ZNF662: variants seen among roughly 807,000 people sequenced by gnomAD.
ZNF662 encodes the protein zinc finger protein 662.
ZNF662 carries 14 observed loss-of-function variants against 12.4 expected under a neutral mutation model. The ratio of observed to expected loss-of-function variants is 1.13; its 90% confidence interval spans 0.75 to 1.77. ZNF662 has a LOEUF of 1.77. Among genes scored for constraint, ZNF662 ranks in the 40% most tolerant of loss-of-function variants. The pLI is 0.00. For synonymous variants in ZNF662, 184 were observed against 176.4 expected (o/e 1.04, Z -0.34); for missense variants, 550 against 515.6 (o/e 1.07, Z -0.65).
In ZNF662 at chr3:42,912,736, AAT is replaced by A. The variant is rs1324955102; in HGVS notation, c.152-450_152-449del. ...TATATATATATTTTTTATATATATA[AAT>A]ATATATATATATATTTTTTGAGACA... is the stretch of plus-strand genomic sequence containing the variant. On this transcript the variant is annotated intron_variant, in intron 3 of 4. Coordinates refer to ENST00000440367, the MANE Select transcript of ZNF662 (RefSeq NM_207404.4). Among the ~76,000 whole-genome samples, 6 of 112,740 alleles carry A rather than the reference AAT, an allele frequency of 5.3e-5. 1 individual carries two copies. The highest frequency in any genetic ancestry group is 1.4e-4 in the African/African-American group (4 of 29,364). 74.0% of individuals were successfully genotyped at this position (112,740 alleles called of 152,430 possible). A position where few individuals can be genotyped will look rare whatever the true frequency, so the allele number is the denominator to read the frequency against.
At chr3:42,909,211 C>A (rs528141171) in intron 3 of ZNF662, among the ~76,000 whole-genome samples, 1 of 152,098 alleles carries the variant, frequency 6.6e-6, no homozygotes, top group Non-Finnish European at 1.5e-5. Flanking sequence ...AGGGCCCTGC[C>A]GCCTTCCGTA....
chr3:42,908,616 C>T (rs2088718744), intron 2 of ZNF662, 177 bp from the exon 3 acceptor site: 1 of 1,452,898 alleles, frequency 6.9e-7, no homozygotes, highest in Non-Finnish European at 9.0e-7. Flanking sequence ...AACTTCCTGA[C>T]CTTTGTAAGT....
intron 1 of ZNF662, 101 bp from the exon 2 acceptor site, chr3:42,907,921 C>A: frequency 6.8e-7 from 1 of 1,474,966 alleles, no homozygotes. Context: ...AATCCAGAAT[C>A]CCCACAGGCA....
At position 42,917,730 on chromosome 3, in the gene ZNF662, G is replaced by A. The variant is rs1318049481; in HGVS notation, c.*2376G>A. 1.8e-5 allele frequency: 11 copies of A among 604,638 alleles called. No homozygotes were observed. The highest frequency in any genetic ancestry group is 3.2e-5 in the Non-Finnish European group (11 of 342,202). The allele number at this position is 604,638 out of a possible 1,614,324, so 37.5% of individuals were successfully genotyped here. ...CACTGTTTTCTCATACAGCTCCTCA[G>A]TGTCACCTTTTCCTCTTGCTCAGTA... On this transcript the variant is annotated 3_prime_UTR_variant, in exon 5 of 5. Coordinates refer to ENST00000440367, the MANE Select transcript of ZNF662 (RefSeq NM_207404.4).
rs1469967299 is a variant in ZNF662, at chr3:42,917,923, A to G, written c.*2569A>G. The stretch of plus-strand genomic sequence containing the variant: ...GGAGTTCAAGACCAGCCTGACCAAC[A>G]TAGAGAGACCCCGTCTCTACTAAAA... On this transcript the variant is annotated 3_prime_UTR_variant, in exon 5 of 5. Coordinates refer to ENST00000440367, the MANE Select transcript of ZNF662 (RefSeq NM_207404.4). Among the ~76,000 whole-genome samples the G allele has an allele frequency of 1.3e-5, 2 of 152,238 alleles. No homozygotes were observed. The highest frequency in any genetic ancestry group is 2.9e-5 in the Non-Finnish European group (2 of 68,042).
In ZNF662 at chr3:42,909,539, C is replaced by T. The variant is rs567993868; in HGVS notation, c.151+630C>T. Among the ~76,000 whole-genome samples the T allele has an allele frequency of 1.6e-4, 25 of 152,234 alleles. No individual in the cohort carries two copies. The East Asian group carries it at 2.9e-3, about 18-fold the overall frequency. ...TTCCCCCTTTTCTATTCGACAAAAC[C>T]GCCATCGTCATCATGGCCCGTTCTC... On this transcript the variant is annotated intron_variant, in intron 3 of 4. Coordinates refer to ENST00000440367, the MANE Select transcript of ZNF662 (RefSeq NM_207404.4).
chr3:42,914,053 T>C (rs1425081109), intron 4 of ZNF662, among the ~76,000 whole-genome samples: 1 of 151,344 alleles, frequency 6.6e-6, no homozygotes, highest in Non-Finnish European at 1.5e-5. Flanking sequence ...TGACTTTGTT[T>C]TCCTTAGATT....
chr3:42,915,324 C>T lies in ZNF662; in HGVS notation c.1251C>T (p.Asn417=), dbSNP rs1000051805. The change falls in exon 5 of 5, where the codon AAC becomes AAT. Residue 417 remains asparagine (N), a synonymous_variant. Transcript: ENST00000440367. ...GCCATGCTAGAGACAAACCCTATAA[C>T]TGTCAGATCTCTCACCTTCTTGAAC... The part of the protein sequence containing the change: ...QRRHARDKPY[N]CQISHLLEH The T allele has an allele frequency of 6.3e-7, 1 of 1,587,450 alleles. No individual in the cohort carries two copies. Among genetic ancestry groups the T allele is most frequent in the Admixed American group, 1.8e-5 (1 of 55,414 alleles).
At chr3:42,907,623 G>C in intron 1 of ZNF662, 3 of 934,946 alleles carry the variant, frequency 3.2e-6, no homozygotes, top group Non-Finnish European at 3.8e-6. Flanking sequence ...ACATAACAAA[G>C]AATATATGTC....
In ZNF662 at chr3:42,908,868, G is replaced by A. The variant is rs781485218; in HGVS notation, c.110G>A (p.Arg37Gln). 42 of 1,613,402 alleles carry A rather than the reference G, an allele frequency of 2.6e-5. No homozygotes were observed. The highest frequency in any genetic ancestry group is 4.0e-5 in the African/African-American group (3 of 74,928). The change falls in exon 3 of 5, where the codon CGG becomes CAG. Residue 37 changes from arginine to glutamine, a missense_variant. Coordinates refer to ENST00000440367, the MANE Select transcript of ZNF662 (RefSeq NM_207404.4). The stretch of plus-strand genomic sequence containing the variant: ...GAAACACCCTGGTGCTCGGTTCCTC[G>A]GGGAGCTCTGGATGGAGAGGCCCCA... ...RGETPWCSVP[R>Q]GALDGEAPRG...
chr3:42,914,811 A>T lies in ZNF662; in HGVS notation c.738A>T (p.Lys246Asn). Residue 246 changes from lysine to asparagine, a missense_variant, in exon 5 of 5, where the codon AAA becomes AAT. By Grantham distance (94) the Lys-to-Asn change is moderately conservative. Transcript: ENST00000440367. Reference protein sequence around the residue: ...IAHQRIHSGVKPYECQECAKA... With the variant: ...IAHQRIHSGVNPYECQECAKA... ...ATCAGAGAATTCACAGTGGGGTGAAACCCTATGAATGTCAAGAATGTGCTA... is the reference window on the plus strand; with the variant it reads ...ATCAGAGAATTCACAGTGGGGTGAATCCCTATGAATGTCAAGAATGTGCTA... 2 of 1,613,786 alleles carry T rather than the reference A, an allele frequency of 1.2e-6. No homozygotes were observed. The highest frequency in any genetic ancestry group is 1.7e-6 in the Non-Finnish European group (2 of 1,179,926).
Position 42,914,906 on chromosome 3 carries a change from G to A in ZNF662, c.833G>A (p.Cys278Tyr). 2 of 1,614,236 alleles carry A rather than the reference G, an allele frequency of 1.2e-6. No individual in the cohort carries two copies. The highest frequency in any genetic ancestry group is 1.1e-5 in the South Asian group (1 of 91,084). The change falls in exon 5 of 5, where the codon TGT becomes TAT. Residue 278 changes from cysteine to tyrosine, a missense_variant. Coordinates refer to ENST00000440367, the MANE Select transcript of ZNF662 (RefSeq NM_207404.4). ...CATACTGGAGAGAAACCCTTTGAAT[G>A]TAAGGAATGTGGGAAGGGCTTTAGT... ...RIHTGEKPFE[C>Y]KECGKGFSQN...
At position 42,906,254 on chromosome 3, in the gene ZNF662, G is replaced by A; in HGVS notation, c.-94+86G>A. 19 of 1,139,302 alleles carry A rather than the reference G, an allele frequency of 1.7e-5. No homozygotes were observed. The highest frequency in any genetic ancestry group is 2.2e-5 in the Non-Finnish European group (18 of 825,262). 70.6% of individuals were successfully genotyped at this position (1,139,302 alleles called of 1,614,324 possible). A position where few individuals can be genotyped will look rare whatever the true frequency, so the allele number is the denominator to read the frequency against. ...GGTGGCTGCAGGGCGCAGGGTAGCC[G>A]TGTCAGGCCTGCCCAGGTGCAGAGC... On this transcript the variant is annotated intron_variant, in intron 1 of 4. Coordinates refer to ENST00000440367, the MANE Select transcript of ZNF662 (RefSeq NM_207404.4). The surrounding 1 kb of genome is among the most constrained non-coding windows in gnomAD (Gnocchi z 4.4).
intron 3 of ZNF662, among the ~76,000 whole-genome samples, chr3:42,912,912 T>G (rs1351947489): frequency 6.7e-6 from 1 of 149,844 alleles, no homozygotes; most frequent in East Asian, 2.0e-4. Flanking sequence ...GCTAATTTTT[T>G]TTGTATTTTT....
At position 42,906,193 on chromosome 3, in the gene ZNF662, TG is replaced by T. The variant is rs1400404454; in HGVS notation, c.-94+29del. The T allele has an allele frequency of 3.2e-6, 2 of 617,134 alleles. No homozygotes were observed. Among genetic ancestry groups the T allele is most frequent in the Non-Finnish European group, 2.6e-6 (1 of 379,280 alleles). The allele number at this position is 617,134 out of a possible 1,614,324, so 38.2% of individuals were successfully genotyped here. On this transcript the variant is annotated intron_variant, in intron 1 of 4. Coordinates refer to ENST00000440367, the MANE Select transcript of ZNF662 (RefSeq NM_207404.4). The surrounding 1 kb of genome is among the most constrained non-coding windows in gnomAD (Gnocchi z 4.4). The stretch of plus-strand genomic sequence containing the variant: ...GGTGTGGAGCACGGGGAGTCGGGCG[TG>T]GGGCGGGCAGGGAGTGGAGTCGGGG...
rs2088678521 is a variant in ZNF662, at chr3:42,906,376, G to C, written c.-94+208G>C. On this transcript the variant is annotated intron_variant, in intron 1 of 4. Transcript: ENST00000440367. This position sits in a 1 kb window ranked among gnomAD's most constrained non-coding sequence, Gnocchi z 4.4. ...TATGGCGGCCGTGGCGCTGGCGAGC[G>C]GGACACGCCTCGGCCTTGTCCTCGA... 1.3e-6 allele frequency: 2 copies of C among 1,525,632 alleles called. No individual in the cohort carries two copies. Among genetic ancestry groups the C allele is most frequent in the South Asian group, 1.2e-5 (1 of 82,936 alleles). 94.5% of individuals were successfully genotyped at this position (1,525,632 alleles called of 1,614,324 possible).
rs747776587 is a variant in ZNF662 at position 42,915,299 on chromosome 3, G to A, written c.1226G>A (p.Arg409His). ...QNSVLIKHQRRHARDKPYNCQ... is the reference protein window; with the variant it reads ...QNSVLIKHQRHHARDKPYNCQ... ...TCTGTCTTAATTAAGCACCAGAGGC[G>A]CCATGCTAGAGACAAACCCTATAAC... The change falls in exon 5 of 5, where the codon CGC becomes CAC. Residue 409 changes from arginine to histidine, a missense_variant. Physicochemically the swap from Arg to His is conservative, Grantham distance 29. Transcript: ENST00000440367. 2.4e-5 allele frequency: 39 copies of A among 1,609,614 alleles called. No homozygotes were observed. The highest frequency in any genetic ancestry group is 6.7e-5 in the Admixed American group (4 of 59,540).
chr3:42,907,536 T>G (rs1273168985), intron 1 of ZNF662: 1 of 325,078 alleles, frequency 3.1e-6, no homozygotes, highest in Non-Finnish European at 4.4e-6. Context: ...GTCTCAGTTC[T>G]GGAACTTTGG....
Position 42,918,375 on chromosome 3 carries a change from A to G in ZNF662, c.*3021A>G, listed in dbSNP as rs1056998827. 1.3e-4 allele frequency among the ~76,000 whole-genome samples: 20 copies of G among 152,076 alleles called. No individual in the cohort carries two copies. The highest frequency in any genetic ancestry group is 4.6e-4 in the African/African-American group (19 of 41,442). On this transcript the variant is annotated 3_prime_UTR_variant, in exon 5 of 5. Transcript: ENST00000440367. Reference sequence around the variant, plus strand: ...GGTTTTCCATCTCACTAAACTGAATACCAGGCCACCACACATGAGCTGAAG... The same window carrying G: ...GGTTTTCCATCTCACTAAACTGAATGCCAGGCCACCACACATGAGCTGAAG...
Sources: allele counts gnomAD v4.1 joint callset (sites outside exome capture counted in the v4.1 genomes callset), GRCh38; gene constraint gnomAD v4.1.1; non-coding constraint Gnocchi (gnomAD v3.1); transcripts MANE v1.5; gene names NCBI Gene and HGNC (gene_info 2026-07-23, HGNC 2026-07-21).